The following THSD7B variants were observed in gnomAD, a reference collection of about 807,000 sequenced individuals.
THSD7B encodes the protein thrombospondin type-1 domain-containing protein 7B.
A neutral mutation model predicts 213.6 loss-of-function variants in THSD7B; 138 were observed. That is an observed-to-expected ratio of 0.65 (90% CI 0.56 to 0.74). THSD7B has a LOEUF of 0.74. Ranked by LOEUF, THSD7B falls within the 30% of genes least tolerant of loss-of-function variation. The probability of loss-of-function intolerance (pLI) is 0.00; values close to 1 mark genes in which losing one functional copy is unlikely to be tolerated. For synonymous variants in THSD7B, 742 were observed against 687.0 expected, an observed-to-expected ratio of 1.08 and a Z score of -1.25; for missense variants, 1,931 against 1,991.5, an observed-to-expected ratio of 0.97 and a Z score of 0.58.
chr2:137,333,731 C>G (rs1024356638), intron 12 of THSD7B, among the ~76,000 whole-genome samples: 1 of 152,174 alleles, frequency 6.6e-6, no homozygotes, highest in Non-Finnish European at 1.5e-5. Context: ...TCACTCCCTG[C>G]CCTTAGTTTT....
In THSD7B at chr2:137,539,764, A is replaced by G. The variant is rs535243997; in HGVS notation, c.3139-23457A>G. Among the ~76,000 whole-genome samples the G allele has an allele frequency of 5.3e-5, 8 of 151,812 alleles. No homozygotes were observed. The South Asian group carries it at 1.7e-3, about 31-fold the overall frequency. ...ATAAGGCTGTATACCATGCTGCATG[A>G]CACATGCAACTTCGTGGATTGTTTG... On this transcript the variant is annotated intron_variant, in intron 15 of 27. Coordinates refer to ENST00000409968, the MANE Select transcript of THSD7B (RefSeq NM_001316349.2).
chr2:137,448,890 A>C (rs1358583946), intron 14 of THSD7B, among the ~76,000 whole-genome samples: 1 of 152,106 alleles, frequency 6.6e-6, no homozygotes, highest in Non-Finnish European at 1.5e-5. Context: ...GAATTGGTCT[A>C]TGGTTTGTCC....
chr2:137,585,512 G>A (rs1288410243), intron 17 of THSD7B, among the ~76,000 whole-genome samples: 1 of 152,022 alleles, frequency 6.6e-6, no homozygotes, highest in East Asian at 1.9e-4. Flanking sequence ...TGCTTTAAAT[G>A]TGTCCCAGAG....
chr2:136,769,319 G>A (rs1331895430), intron 1 of THSD7B, among the ~76,000 whole-genome samples: 2 of 152,154 alleles, frequency 1.3e-5, no homozygotes, highest in Non-Finnish European at 2.9e-5. Context: ...ACAAAATATA[G>A]AGACGTAGTT....
At chr2:137,022,822 T>G (rs1686470686) in intron 2 of THSD7B, among the ~76,000 whole-genome samples, 1 of 152,106 alleles carries the variant, frequency 6.6e-6, no homozygotes, top group Non-Finnish European at 1.5e-5. Context: ...TAGTAAATAT[T>G]TTAGATTTTG....
chr2:137,082,011 C>T (rs1386249512), intron 3 of THSD7B, among the ~76,000 whole-genome samples: 1 of 152,062 alleles, frequency 6.6e-6, no homozygotes, highest in East Asian at 1.9e-4. Flanking sequence ...GCTATTCCGT[C>T]TATATATGAT....
chr2:137,115,408 T>A (rs1020365653), intron 5 of THSD7B, 115 bp downstream of exon 5: 6 of 1,219,948 alleles, frequency 4.9e-6, no homozygotes, highest in Non-Finnish European at 5.4e-6. Context: ...CATTTAATAT[T>A]TATTTTGTTG....
chr2:137,330,521 G>A (rs1230233650), intron 12 of THSD7B, among the ~76,000 whole-genome samples: 1 of 152,140 alleles, frequency 6.6e-6, no homozygotes, highest in Non-Finnish European at 1.5e-5. Flanking sequence ...GGATATGCTA[G>A]GAGTTTTCTT....
chr2:137,392,141 G>A (rs1270325585), intron 12 of THSD7B, among the ~76,000 whole-genome samples: 4 of 152,094 alleles, frequency 2.6e-5, no homozygotes, highest in Non-Finnish European at 5.9e-5. Flanking sequence ...CTAAAAATTT[G>A]TTGAGGCTTG....
At chr2:136,890,520 C>T (rs1259820609) in intron 2 of THSD7B, among the ~76,000 whole-genome samples, 5 of 58,756 alleles carry the variant, frequency 8.5e-5, no homozygotes, top group African/African-American at 2.0e-4. Context: ...CTTCTTCTTT[C>T]TTCTTCTTCT....
intron 15 of THSD7B, among the ~76,000 whole-genome samples, chr2:137,475,308 A>G (rs1048980170): frequency 5.2e-4 from 79 of 152,300 alleles, no homozygotes; most frequent in African/African-American, 1.8e-3. Flanking sequence ...CCATTGCCTC[A>G]AGTATTTATC....
intron 12 of THSD7B, among the ~76,000 whole-genome samples, chr2:137,298,217 A>G (rs1237483298): frequency 6.6e-6 from 1 of 152,154 alleles, no homozygotes; most frequent in Non-Finnish European, 1.5e-5. Context: ...ATGTTTTAGC[A>G]AAGAGATTGG....
intron 15 of THSD7B, among the ~76,000 whole-genome samples, chr2:137,494,733 C>A (rs1679519690): frequency 6.6e-6 from 1 of 152,162 alleles, no homozygotes; most frequent in Non-Finnish European, 1.5e-5. Flanking sequence ...GAAAGTTTAA[C>A]TTCCCTGACT....
At chr2:136,982,900 A>C (rs1685606506) in intron 2 of THSD7B, among the ~76,000 whole-genome samples, 1 of 152,164 alleles carries the variant, frequency 6.6e-6, no homozygotes, top group Admixed American at 6.6e-5. Flanking sequence ...TGAATAATCC[A>C]AAAATTATGC....
At chr2:136,901,147 C>A (rs1181484946) in intron 2 of THSD7B, among the ~76,000 whole-genome samples, 2 of 152,044 alleles carry the variant, frequency 1.3e-5, no homozygotes, top group Admixed American at 6.6e-5. Context: ...ATTTTTCCTG[C>A]CTTTATCCTT....
At chr2:137,553,727 C>T (rs1363968558) in intron 15 of THSD7B, among the ~76,000 whole-genome samples, 1 of 152,118 alleles carries the variant, frequency 6.6e-6, no homozygotes, top group East Asian at 1.9e-4. Flanking sequence ...ATTTAACTTT[C>T]CCATGGCTCA....
At chr2:136,782,343 A>C (rs1681757264) in intron 1 of THSD7B, among the ~76,000 whole-genome samples, 1 of 147,822 alleles carries the variant, frequency 6.8e-6, no homozygotes, top group Non-Finnish European at 1.5e-5. Flanking sequence ...TGCTAATTCC[A>C]CCTCCTTCAT....
chr2:137,252,289 A>AAC (rs1418482446), intron 10 of THSD7B, among the ~76,000 whole-genome samples: 2 of 151,274 alleles, frequency 1.3e-5, no homozygotes, highest in Non-Finnish European at 2.9e-5. Context: ...AAAAAAAAAA[A>AAC]ACAAAGGGTT....
intron 3 of THSD7B, among the ~76,000 whole-genome samples, chr2:137,081,225 T>A (rs956596013): frequency 1.3e-5 from 2 of 152,140 alleles, no homozygotes; most frequent in Non-Finnish European, 1.5e-5. Context: ...TTCGTTTCAA[T>A]GTATAGATTC....
Sources: allele counts gnomAD v4.1 joint callset (sites outside exome capture counted in the v4.1 genomes callset), GRCh38; gene constraint gnomAD v4.1.1; transcripts MANE v1.5; gene names NCBI Gene and HGNC (gene_info 2026-07-23, HGNC 2026-07-21).